The following GRID1 variants were observed in gnomAD, a reference collection of about 807,000 sequenced individuals.
GRID1 encodes the protein glutamate receptor ionotropic, delta-1.
A neutral mutation model predicts 98.0 loss-of-function variants in GRID1; 28 were observed. That is an observed-to-expected ratio of 0.29 (90% CI 0.21 to 0.39). GRID1 has a LOEUF of 0.39. Among genes scored for constraint, GRID1 ranks in the 10% least tolerant of loss-of-function variants. The probability of loss-of-function intolerance (pLI) is 1.00; values close to 1 mark genes in which losing one functional copy is unlikely to be tolerated. For missense variants in GRID1, 1,111 were observed against 1,340.5 expected (o/e 0.83, Z 2.67); for synonymous variants, 553 against 538.5 (o/e 1.03, Z -0.37).
At chr10:85,934,330 A>T (rs1200887244) in intron 4 of GRID1, among the ~76,000 whole-genome samples, 2 of 152,082 alleles carry the variant, frequency 1.3e-5, no homozygotes, top group Non-Finnish European at 2.9e-5. Flanking sequence ...TAACGTAAGT[A>T]TAAAGAAAAG....
intron 12 of GRID1, among the ~76,000 whole-genome samples, chr10:85,679,920 T>A (rs1841188311): frequency 6.6e-6 from 1 of 152,136 alleles, no homozygotes; most frequent in Admixed American, 6.5e-5. Context: ...GTGACCATGA[T>A]GGGCCTAGGG....
rs557440868 is a variant in GRID1, at chr10:86,346,895, C to G, written c.235+17046G>C. Among the ~76,000 whole-genome samples the G allele has an allele frequency of 5.9e-5, 9 of 152,266 alleles. 1 individual carries two copies. The highest frequency in any genetic ancestry group is 2.2e-4 in the African/African-American group (9 of 41,558). On this transcript the variant is annotated intron_variant, in intron 2 of 15. Coordinates refer to ENST00000327946, the MANE Select transcript of GRID1 (RefSeq NM_017551.3). ...TATGCATGGGGTAAGGAGAGGCCTCCCGGCTGGGGAAGACTGAAACCAGGT... is the reference window on the plus strand; with the variant it reads ...TATGCATGGGGTAAGGAGAGGCCTCGCGGCTGGGGAAGACTGAAACCAGGT...
At chr10:86,242,263 CGGA>C (rs1846649529) in intron 2 of GRID1, among the ~76,000 whole-genome samples, 1 of 152,174 alleles carries the variant, frequency 6.6e-6, no homozygotes, top group Non-Finnish European at 1.5e-5. Flanking sequence ...ATACGAAGAT[CGGA>C]GGAGGACAAT....
intron 4 of GRID1, among the ~76,000 whole-genome samples, chr10:86,011,439 C>T (rs1434910880): frequency 3.3e-5 from 5 of 151,908 alleles, no homozygotes; most frequent in South Asian, 2.1e-4. Context: ...AATTTTGGGA[C>T]AGTAATGCTC....
intron 2 of GRID1, among the ~76,000 whole-genome samples, chr10:86,285,744 G>C (rs1166296345): frequency 6.6e-6 from 1 of 152,188 alleles, no homozygotes; most frequent in African/African-American, 2.4e-5. Context: ...ATAGGAATAG[G>C]AGTAGAAATA....
At chr10:86,153,289 C>T (rs1165090861) in intron 3 of GRID1, among the ~76,000 whole-genome samples, 1 of 152,246 alleles carries the variant, frequency 6.6e-6, no homozygotes, top group Non-Finnish European at 1.5e-5. Context: ...CACTCACACA[C>T]ACTCAGTGGG....
At chr10:85,880,605 T>C (rs1421421701) in intron 5 of GRID1, among the ~76,000 whole-genome samples, 3 of 151,688 alleles carry the variant, frequency 2.0e-5, no homozygotes, top group Non-Finnish European at 4.4e-5. Context: ...ATAAATTAGG[T>C]ATTGATGGGA....
chr10:85,982,248 C>A (rs954613337), intron 4 of GRID1, among the ~76,000 whole-genome samples: 4 of 151,290 alleles, frequency 2.6e-5, no homozygotes, highest in Admixed American at 2.6e-4. Context: ...TGTTAATTTA[C>A]TTGGCTATAC....
intron 2 of GRID1, among the ~76,000 whole-genome samples, chr10:86,211,053 T>C (rs978453404): frequency 6.6e-6 from 1 of 152,218 alleles, no homozygotes; most frequent in South Asian, 2.1e-4. Flanking sequence ...TATTTCTTTC[T>C]GTCTTTCTTT....
intron 2 of GRID1, among the ~76,000 whole-genome samples, chr10:86,307,778 A>T (rs1847778571): frequency 6.6e-6 from 1 of 152,208 alleles, no homozygotes; most frequent in Admixed American, 6.5e-5. Context: ...GCATATCAAA[A>T]CACCATGTTG....
chr10:86,249,670 C>G (rs1183467383), intron 2 of GRID1, among the ~76,000 whole-genome samples: 2 of 152,182 alleles, frequency 1.3e-5, no homozygotes, highest in Non-Finnish European at 2.9e-5. Context: ...TTTGCCCAGG[C>G]AGTCCCTTCT....
At chr10:86,354,045 G>A (rs756200239) in intron 2 of GRID1, among the ~76,000 whole-genome samples, 18 of 152,188 alleles carry the variant, frequency 1.2e-4, no homozygotes, top group South Asian at 1.0e-3. Context: ...ACACCTCTGG[G>A]CACTCAGATG....
At chr10:85,707,107 C>A (rs868847183) in intron 12 of GRID1, among the ~76,000 whole-genome samples, 41 of 152,256 alleles carry the variant, frequency 2.7e-4, no homozygotes, top group African/African-American at 8.7e-4. Flanking sequence ...CCAAAATTGA[C>A]AAATGGGATC....
intron 14 of GRID1, among the ~76,000 whole-genome samples, chr10:85,618,149 T>C (rs1035934164): frequency 6.6e-6 from 1 of 152,176 alleles, no homozygotes; most frequent in African/African-American, 2.4e-5. Flanking sequence ...TGCTGCCTCT[T>C]CTCTCCAGTG....
chr10:86,173,962 A>C lies in GRID1; in HGVS notation c.520+32402T>G, dbSNP rs185282019. Reference sequence around the variant, plus strand: ...TGGTGTATATGTGCCACATTTTCTTAATCTAGTCAATCATTGTTGGACTTC... The same window carrying C: ...TGGTGTATATGTGCCACATTTTCTTCATCTAGTCAATCATTGTTGGACTTC... On this transcript the variant is annotated intron_variant, in intron 3 of 15. Transcript: ENST00000327946. Among the ~76,000 whole-genome samples the C allele has an allele frequency of 4.0e-4, 61 of 151,930 alleles. 1 individual carries two copies. The highest frequency in any genetic ancestry group is 5.4e-4 in the Non-Finnish European group (37 of 67,956).
chr10:85,970,312 A>G (rs1488275353), intron 4 of GRID1, among the ~76,000 whole-genome samples: 1 of 152,108 alleles, frequency 6.6e-6, no homozygotes, highest in Non-Finnish European at 1.5e-5. Context: ...TTCCAAACTC[A>G]TTCTAAGAGG....
intron 12 of GRID1, among the ~76,000 whole-genome samples, chr10:85,671,258 T>A (rs960196785): frequency 6.6e-6 from 1 of 152,228 alleles, no homozygotes; most frequent in Non-Finnish European, 1.5e-5. Flanking sequence ...TTCTTACAAA[T>A]TGAAGACCTG....
chr10:85,759,058 T>G (rs1316999039), intron 8 of GRID1, among the ~76,000 whole-genome samples: 2 of 152,210 alleles, frequency 1.3e-5, no homozygotes, highest in Non-Finnish European at 2.9e-5. Context: ...GCCTAGGACA[T>G]AGTAAACATG....
chr10:86,240,520 A>C (rs1483138518), intron 2 of GRID1, among the ~76,000 whole-genome samples: 1 of 151,942 alleles, frequency 6.6e-6, no homozygotes, highest in African/African-American at 2.4e-5. Flanking sequence ...CAGGTGCTGA[A>C]AAAGAGCTGT....
Sources: gnomAD v4.1 joint callset for allele counts (sites outside exome capture counted in the v4.1 genomes callset) on GRCh38, gnomAD v4.1.1 for gene constraint, MANE v1.5 for transcripts, NCBI Gene and HGNC (gene_info 2026-07-23, HGNC 2026-07-21) for gene names.